BTRC: variants seen among roughly 807,000 people sequenced by gnomAD.
BTRC encodes the protein F-box/WD repeat-containing protein 1A.
Under a neutral mutation model 85.5 loss-of-function variants are expected in BTRC, and 42 were observed. The observed-to-expected ratio is 0.49, with a 90% CI of 0.38 to 0.64. The LOEUF (loss-of-function observed/expected upper bound fraction) is 0.64, where lower values mean the gene tolerates loss of function less well. Among genes scored for constraint, BTRC ranks in the 30% least tolerant of loss-of-function variants. The probability of loss-of-function intolerance (pLI) is 0.00; values close to 1 mark genes in which losing one functional copy is unlikely to be tolerated. For synonymous variants in BTRC, 255 were observed against 263.3 expected (o/e 0.97, Z 0.30); for missense variants, 594 against 743.5 (o/e 0.80, Z 2.34).
intron 4 of BTRC, among the ~76,000 whole-genome samples, chr10:101,515,715 G>T (rs796219904): frequency 3.4e-4 from 51 of 152,178 alleles, no homozygotes; most frequent in African/African-American, 1.1e-3. Context: ...GTTTCACCTT[G>T]TTAGCCAGGA....
intron 1 of BTRC, among the ~76,000 whole-genome samples, chr10:101,410,486 G>A (rs924908042): frequency 3.3e-5 from 5 of 151,966 alleles, no homozygotes; most frequent in African/African-American, 1.2e-4. Flanking sequence ...ACGATGATGC[G>A]TGCCTGTAAT....
rs139692442 is a variant in BTRC, at chr10:101,446,934, A to G, written c.157-15047A>G. Among the ~76,000 whole-genome samples the G allele has an allele frequency of 7.7e-4, 108 of 139,730 alleles. No homozygotes were observed. The East Asian group carries it at 0.022, about 28-fold the overall frequency. 91.7% of individuals were successfully genotyped at this position (139,730 alleles called of 152,430 possible). A position where few individuals can be genotyped will look rare whatever the true frequency, so the allele number is the denominator to read the frequency against. ...GAGAGCACAATAGGGAGAAGGATAC[A>G]AGATTGATTTTTTTATGTGTGTCCT... On this transcript the variant is annotated intron_variant, in intron 2 of 14. Transcript: ENST00000370187.
At chr10:101,546,706 A>G (rs939390819) in intron 13 of BTRC, among the ~76,000 whole-genome samples, 1 of 152,328 alleles carries the variant, frequency 6.6e-6, no homozygotes, top group African/African-American at 2.4e-5. Flanking sequence ...AAATCAGTGA[A>G]ATTGAAAACA....
intron 2 of BTRC, among the ~76,000 whole-genome samples, chr10:101,436,920 A>G (rs192048098): frequency 5.3e-5 from 8 of 152,328 alleles, no homozygotes; most frequent in Admixed American, 4.6e-4. Flanking sequence ...TTCATTATAT[A>G]TATGGAAAAC....
chr10:101,449,437 A>G (rs1236739615), intron 2 of BTRC, among the ~76,000 whole-genome samples: 2 of 152,114 alleles, frequency 1.3e-5, no homozygotes, highest in African/African-American at 2.4e-5. Flanking sequence ...AAAAATAACC[A>G]GATGTCCTTA....
In BTRC at chr10:101,479,365, C is replaced by T. The variant is rs569018789; in HGVS notation, c.235-3C>T. The T allele has an allele frequency of 6.2e-7, 1 of 1,609,406 alleles. No homozygotes were observed. Among genetic ancestry groups the T allele is most frequent in the Admixed American group, 1.7e-5 (1 of 59,926 alleles). ...ACCTGTTTCCAACAAATTCTCTTTA[C>T]AGACATACAACAGCTGTGCCAGACT... is the stretch of plus-strand genomic sequence containing the variant. On this transcript the variant is annotated splice_polypyrimidine_tract_variant and splice_region_variant and intron_variant, in intron 3 of 14. Transcript: ENST00000370187.
chr10:101,456,937 A>G lies in BTRC; in HGVS notation c.157-5044A>G, dbSNP rs181152832. Among the ~76,000 whole-genome samples the G allele has an allele frequency of 2.7e-3, 405 of 152,336 alleles. 3 individuals are homozygous for G. The highest frequency in any genetic ancestry group is 8.2e-3 in the African/African-American group (343 of 41,586). On this transcript the variant is annotated intron_variant, in intron 2 of 14. Transcript: ENST00000370187. ...GTAGAATCTTTTACAAAAATATTTT[A>G]ATATACTATAGTCCCCACTTATTCA...
chr10:101,500,352 T>C (rs1178895314), intron 4 of BTRC, among the ~76,000 whole-genome samples: 2 of 152,176 alleles, frequency 1.3e-5, no homozygotes. Context: ...ATAGTAAGAA[T>C]ACAATACTAT....
intron 1 of BTRC, among the ~76,000 whole-genome samples, chr10:101,396,686 A>G (rs1248637650): frequency 1.3e-5 from 2 of 152,130 alleles, no homozygotes; most frequent in Non-Finnish European, 2.9e-5. Context: ...GTCTGTGGAA[A>G]CATCAGTCAC....
chr10:101,423,508 A>C (rs1192244236), intron 1 of BTRC, among the ~76,000 whole-genome samples: 2 of 152,132 alleles, frequency 1.3e-5, no homozygotes, highest in South Asian at 4.1e-4. Flanking sequence ...ACATTGTTAA[A>C]TTTTTTCTTG....
chr10:101,475,265 C>T (rs992384580), intron 3 of BTRC, among the ~76,000 whole-genome samples: 1 of 152,110 alleles, frequency 6.6e-6, no homozygotes, highest in Non-Finnish European at 1.5e-5. Flanking sequence ...AACAGCTGGG[C>T]GTGGTGGCTC....
chr10:101,526,517 C>T (rs1262325205), intron 6 of BTRC, among the ~76,000 whole-genome samples: 6 of 152,332 alleles, frequency 3.9e-5, no homozygotes, highest in Admixed American at 6.5e-5. Context: ...AGTGCGTTCA[C>T]GCCTGCAATC....
chr10:101,362,990 A>G (rs558307649), intron 1 of BTRC, among the ~76,000 whole-genome samples: 5 of 152,312 alleles, frequency 3.3e-5, no homozygotes, highest in Admixed American at 6.5e-5. Context: ...GCACTATAAG[A>G]GACTTTTGAG....
Position 101,412,835 on chromosome 10 carries a change from CAAT to C in BTRC, c.49-17507_49-17505del, listed in dbSNP as rs1943818846. Among the ~76,000 whole-genome samples, 4 of 152,124 alleles carry C rather than the reference CAAT, an allele frequency of 2.6e-5. No individual in the cohort carries two copies. The South Asian group carries it at 8.3e-4, about 31-fold the overall frequency. On this transcript the variant is annotated intron_variant, in intron 1 of 14. Coordinates refer to ENST00000370187, the MANE Select transcript of BTRC (RefSeq NM_033637.4). ...GTTGGCGATTAAGTTTATATACAGA[CAAT>C]AAAGTGTCTAGTTGTATTGTCTTTC... is the stretch of plus-strand genomic sequence containing the variant.
intron 2 of BTRC, among the ~76,000 whole-genome samples, chr10:101,451,745 T>C (rs773426874): frequency 6.6e-6 from 1 of 152,164 alleles, no homozygotes; most frequent in Non-Finnish European, 1.5e-5. Flanking sequence ...GTAATCAGTG[T>C]CATCGTGCCT....
At chr10:101,506,705 GA>G (rs1310100059) in intron 4 of BTRC, among the ~76,000 whole-genome samples, 4 of 152,156 alleles carry the variant, frequency 2.6e-5, no homozygotes, top group African/African-American at 9.7e-5. Context: ...AATCTCAGTT[GA>G]CTAACCCTAG....
At chr10:101,406,757 C>T (rs966571898) in intron 1 of BTRC, among the ~76,000 whole-genome samples, 1 of 151,630 alleles carries the variant, frequency 6.6e-6, no homozygotes, top group Non-Finnish European at 1.5e-5. Context: ...TGGTCTTGAA[C>T]TCCTGACCTC....
chr10:101,503,271 T>C (rs1306698785), intron 4 of BTRC, among the ~76,000 whole-genome samples: 1 of 152,212 alleles, frequency 6.6e-6, no homozygotes, highest in Non-Finnish European at 1.5e-5. Context: ...GAAATGCATT[T>C]ATCCATCTAT....
At chr10:101,541,094 T>G (rs1589619198) in intron 13 of BTRC, among the ~76,000 whole-genome samples, 2 of 138,072 alleles carry the variant, frequency 1.4e-5, no homozygotes, top group East Asian at 4.0e-4. Context: ...TCTCTCTCCC[T>G]CTTTTTTTTT....
Sources: allele counts gnomAD v4.1 joint callset (sites outside exome capture counted in the v4.1 genomes callset), GRCh38; gene constraint gnomAD v4.1.1; transcripts MANE v1.5; gene names NCBI Gene and HGNC (gene_info 2026-07-23, HGNC 2026-07-21).